The following KIF24 variants were observed in gnomAD, a reference collection of about 807,000 sequenced individuals.
KIF24 encodes kinesin family member 24.
A neutral mutation model predicts 118.9 loss-of-function variants in KIF24; 81 were observed. That is an observed-to-expected ratio of 0.68 (90% CI 0.57 to 0.82). The LOEUF is 0.82. KIF24 is among the 40% of genes least tolerant of loss of function. KIF24 has a pLI of 0.00. For synonymous variants in KIF24, 599 were observed against 610.0 expected (o/e 0.98, Z 0.27); for missense variants, 1,560 against 1,661.6 (o/e 0.94, Z 1.06).
At chr9:34,320,605 C>T (rs1367127686) in intron 1 of KIF24, among the ~76,000 whole-genome samples, 8 of 126,440 alleles carry the variant, frequency 6.3e-5, no homozygotes, top group African/African-American at 1.2e-4. Flanking sequence ...TTGCAGTGAG[C>T]CAAGATTGCA....
At chr9:34,259,499 GCA>G (rs368987018) in intron 10 of KIF24, 95 bp downstream of exon 10, 124 of 847,222 alleles carry the variant, frequency 1.5e-4, no homozygotes, top group Middle Eastern at 3.5e-4. Context: ...GCATGCACTT[GCA>G]CACACACACG....
In KIF24 at chr9:34,286,718, A is replaced by C. The variant is rs1259361792; in HGVS notation, c.1128-14T>G. ...CTTGCAAAGAGCCTGCAGATGCAAGAAAGTGGTTGGTATGATGGTGCTACT... is the reference window on the plus strand; with the variant it reads ...CTTGCAAAGAGCCTGCAGATGCAAGCAAGTGGTTGGTATGATGGTGCTACT... On this transcript the variant is annotated splice_polypyrimidine_tract_variant and intron_variant, in intron 5 of 12. Transcript: ENST00000402558. 4 of 1,591,532 alleles carry C rather than the reference A, an allele frequency of 2.5e-6. No homozygotes were observed. The South Asian group carries it at 4.4e-5, about 18-fold the overall frequency.
chr9:34,320,332 CAAAA>C (rs66835823), intron 1 of KIF24, among the ~76,000 whole-genome samples: 2 of 106,312 alleles, frequency 1.9e-5, no homozygotes, highest in Admixed American at 9.5e-5. Flanking sequence ...AATGTTCCAA[CAAAA>C]AAAAAAAAAA....
Position 34,318,800 on chromosome 9 carries a change from C to T in KIF24, c.-25-7429G>A, listed in dbSNP as rs921825707. On this transcript the variant is annotated intron_variant, in intron 1 of 12. Coordinates refer to ENST00000402558, the MANE Select transcript of KIF24 (RefSeq NM_194313.4). This position sits in a 1 kb window ranked among gnomAD's most constrained non-coding sequence, Gnocchi z 4.9. ...CAACGTGACCTGGAAGCTGTGCAGTCGCCTGTAGGGACCCAGCTCAGTGAG... is the reference window on the plus strand; with the variant it reads ...CAACGTGACCTGGAAGCTGTGCAGTTGCCTGTAGGGACCCAGCTCAGTGAG... 8.4e-6 allele frequency: 13 copies of T among 1,552,712 alleles called. No individual in the cohort carries two copies. Among genetic ancestry groups the T allele is most frequent in the Middle Eastern group, 1.7e-4 (1 of 5,964 alleles).
intron 7 of KIF24, among the ~76,000 whole-genome samples, chr9:34,269,642 A>G (rs1835427827): frequency 6.6e-6 from 1 of 151,986 alleles, no homozygotes; most frequent in Admixed American, 6.5e-5. Context: ...GATGGTCTCC[A>G]TCTCCTGACC....
At chr9:34,307,822 T>C (rs536621358) in intron 2 of KIF24, among the ~76,000 whole-genome samples, 62 of 142,112 alleles carry the variant, frequency 4.4e-4, no homozygotes, top group Non-Finnish European at 7.5e-4. Flanking sequence ...GATAGTGCCA[T>C]TGCATTCCAG....
chr9:34,287,255 A>G (rs532327883), intron 5 of KIF24, among the ~76,000 whole-genome samples: 1 of 152,348 alleles, frequency 6.6e-6, no homozygotes, highest in Admixed American at 6.5e-5. Flanking sequence ...GAGTAAACCA[A>G]TGCTGAAGCC....
intron 3 of KIF24, among the ~76,000 whole-genome samples, chr9:34,298,758 C>G (rs1836581274): frequency 6.6e-6 from 1 of 152,034 alleles, no homozygotes; most frequent in Non-Finnish European, 1.5e-5. Context: ...GGTTTGAGAA[C>G]AGAGACACTA....
chr9:34,302,557 C>T (rs1836760831), intron 3 of KIF24, among the ~76,000 whole-genome samples: 2 of 151,880 alleles, frequency 1.3e-5, no homozygotes, highest in Non-Finnish European at 2.9e-5. Context: ...ACTCTAACTC[C>T]CAGATTCAAG....
At chr9:34,316,748 A>C (rs1837341331) in intron 1 of KIF24, among the ~76,000 whole-genome samples, 2 of 151,890 alleles carry the variant, frequency 1.3e-5, no homozygotes. Flanking sequence ...GTTTTTAAAA[A>C]CTCTGTTGAA....
At chr9:34,254,644 C>T in intron 12 of KIF24, 124 bp from the exon 13 acceptor site, 2 of 966,620 alleles carry the variant, frequency 2.1e-6, no homozygotes, top group East Asian at 2.4e-5. Context: ...AGCGGGAGAA[C>T]ATGTAGGATA....
chr9:34,277,436 T>A (rs2131720190), intron 6 of KIF24, among the ~76,000 whole-genome samples: 1 of 152,178 alleles, frequency 6.6e-6, no homozygotes, highest in South Asian at 2.1e-4. Flanking sequence ...TGAGACCTAG[T>A]GAGAGCTCAG....
intron 1 of KIF24, among the ~76,000 whole-genome samples, chr9:34,322,817 C>T (rs1837565357): frequency 6.6e-6 from 1 of 152,102 alleles, no homozygotes; most frequent in Non-Finnish European, 1.5e-5. Context: ...GATTGCGCCA[C>T]TGCACTCCAG....
Position 34,329,190 on chromosome 9 carries a change from A to T in KIF24, c.-110T>A, listed in dbSNP as rs1195264696. ...AGTGAGCCCCAAAGCCCGCAACCTA[A>T]CAGTCCCGTCAACCCGGGAGCCACC... On this transcript the variant is annotated 5_prime_UTR_variant, in exon 1 of 13. Transcript: ENST00000402558. Among the ~76,000 whole-genome samples, 1 of 152,238 alleles carries T rather than the reference A, an allele frequency of 6.6e-6. No homozygotes were observed. Among genetic ancestry groups the T allele is most frequent in the Admixed American group, 6.5e-5 (1 of 15,290 alleles).
At chr9:34,276,749 T>C (rs190642749) in intron 6 of KIF24, among the ~76,000 whole-genome samples, 27 of 152,370 alleles carry the variant, frequency 1.8e-4, no homozygotes, top group Non-Finnish European at 2.9e-5. Context: ...TGATGAATCC[T>C]TTTGTAAAGA....
At chr9:34,308,060 T>C (rs1836999222) in intron 2 of KIF24, among the ~76,000 whole-genome samples, 1 of 152,078 alleles carries the variant, frequency 6.6e-6, no homozygotes, top group Non-Finnish European at 1.5e-5. Flanking sequence ...AGCCTCAACC[T>C]CCTGGGCTGA....
At chr9:34,311,680 A>ATATACATATATACGTGTATC (rs1563961414) in intron 1 of KIF24, among the ~76,000 whole-genome samples, 2 of 104,744 alleles carry the variant, frequency 1.9e-5, no homozygotes, top group East Asian at 9.5e-4. Context: ...GTGTATATGT[A>ATATACATATATACGTGTATC]TATATATACG....
chr9:34,255,826 T>G lies in KIF24; in HGVS notation c.3781A>C (p.Arg1261=), dbSNP rs1204968461. The part of the protein sequence containing the change: ...VTWLKPRPIS[R]CLARPSSPLV... ...GGAGAACTTGGCCTTGCTAAGCACC[T>G]TGAGATCGGCCTGGGTTTGAGCCAT... The change falls in exon 11 of 13, where the codon AGG becomes CGG. Residue 1261 remains arginine (R), a synonymous_variant. Coordinates refer to ENST00000402558, the MANE Select transcript of KIF24 (RefSeq NM_194313.4). 1 of 1,613,868 alleles carries G rather than the reference T, an allele frequency of 6.2e-7. No individual in the cohort carries two copies. The highest frequency in any genetic ancestry group is 2.2e-5 in the East Asian group (1 of 44,892).
chr9:34,295,131 ATAGGTAGG>A (rs1283153594), intron 4 of KIF24, among the ~76,000 whole-genome samples: 1 of 106,522 alleles, frequency 9.4e-6, no homozygotes, highest in African/African-American at 2.7e-5. Flanking sequence ...AGGTAGGTAG[ATAGGTAGG>A]TAGGTAGATT....
Sources: allele counts gnomAD v4.1 joint callset (sites outside exome capture counted in the v4.1 genomes callset), GRCh38; gene constraint gnomAD v4.1.1; non-coding constraint Gnocchi (gnomAD v3.1); transcripts MANE v1.5; gene names NCBI Gene and HGNC (gene_info 2026-07-23, HGNC 2026-07-21).